The following HS3ST4 variants were observed in gnomAD, a reference collection of about 807,000 sequenced individuals.
The protein encoded by HS3ST4 is heparan sulfate-glucosamine 3-sulfotransferase 4.
Under a neutral mutation model 29.2 loss-of-function variants are expected in HS3ST4, and 17 were observed. The ratio of observed to expected loss-of-function variants is 0.58; its 90% CI spans 0.40 to 0.87. The LOEUF is 0.87. Ranked by LOEUF, HS3ST4 falls within the 40% of genes least tolerant of loss-of-function variation. HS3ST4 has a pLI of 0.00. For missense variants in HS3ST4, 627 were observed against 634.5 expected, an observed-to-expected ratio of 0.99 and a Z score of 0.13; for synonymous variants, 314 against 285.7, an observed-to-expected ratio of 1.10 and a Z score of -1.00.
chr16:25,903,035 A>G (rs183598883), intron 1 of HS3ST4, among the ~76,000 whole-genome samples: 2 of 151,164 alleles, frequency 1.3e-5, no homozygotes, highest in Non-Finnish European at 2.9e-5. Context: ...AAAAAAAAAA[A>G]TGTATGGTGT....
intron 1 of HS3ST4, among the ~76,000 whole-genome samples, chr16:25,963,807 G>GTGTC (rs1460109203): frequency 2.0e-5 from 3 of 152,198 alleles, no homozygotes; most frequent in Non-Finnish European, 4.4e-5. Flanking sequence ...AGGAGATGTG[G>GTGTC]TGTCCATTGT....
chr16:25,875,967 C>T (rs971206360), intron 1 of HS3ST4, among the ~76,000 whole-genome samples: 2 of 152,156 alleles, frequency 1.3e-5, no homozygotes, highest in Admixed American at 6.5e-5. Flanking sequence ...TTCTCTTGGG[C>T]TAATGTTCCC....
intron 1 of HS3ST4, among the ~76,000 whole-genome samples, chr16:26,096,687 A>C (rs1247428144): frequency 6.6e-6 from 1 of 152,216 alleles, no homozygotes; most frequent in Non-Finnish European, 1.5e-5. Flanking sequence ...AACCGGCACA[A>C]GACAAGGATG....
rs116582531 is a variant in HS3ST4 at position 25,944,374 on chromosome 16, G to T, written c.735-191238G>T. Among the ~76,000 whole-genome samples, 1,406 of 152,328 alleles carry T rather than the reference G, an allele frequency of 9.2e-3. 20 individuals carry two copies. The highest frequency in any genetic ancestry group is 0.03 in the African/African-American group (1,250 of 41,580). On this transcript the variant is annotated intron_variant, in intron 1 of 1. Transcript: ENST00000331351. ...ATTCTCCCTTAATGAAAGGGGTAAA[G>T]TTCCCCCCTGGGAATGTTGCCACCT...
intron 1 of HS3ST4, among the ~76,000 whole-genome samples, chr16:25,801,099 A>G (rs760545878): frequency 2.0e-5 from 3 of 152,062 alleles, no homozygotes; most frequent in Admixed American, 6.6e-5. Flanking sequence ...GAAAATTTGC[A>G]TTTCTGACAA....
At chr16:26,029,180 A>C (rs1414109914) in intron 1 of HS3ST4, among the ~76,000 whole-genome samples, 1 of 152,162 alleles carries the variant, frequency 6.6e-6, no homozygotes, top group African/African-American at 2.4e-5. Flanking sequence ...ATTTGATAAT[A>C]CTCAGTTTCC....
intron 1 of HS3ST4, among the ~76,000 whole-genome samples, chr16:26,076,026 A>G (rs1596672424): frequency 6.6e-6 from 1 of 152,116 alleles, no homozygotes; most frequent in East Asian, 1.9e-4. Flanking sequence ...ACTCTCTTCA[A>G]CCTTCACCAC....
chr16:25,964,336 A>G (rs906517369), intron 1 of HS3ST4, among the ~76,000 whole-genome samples: 3 of 152,274 alleles, frequency 2.0e-5, no homozygotes, highest in Non-Finnish European at 2.9e-5. Context: ...AACACACACT[A>G]TACTCTGCAC....
At chr16:25,970,536 G>A (rs548245002) in intron 1 of HS3ST4, among the ~76,000 whole-genome samples, 10 of 150,296 alleles carry the variant, frequency 6.7e-5, no homozygotes, top group African/African-American at 2.5e-4. Flanking sequence ...TTTTTTCAGG[G>A]TCTAGCTCTG....
In HS3ST4 at chr16:25,981,956, A is replaced by G. The variant is rs932855374; in HGVS notation, c.735-153656A>G. On this transcript the variant is annotated intron_variant, in intron 1 of 1. Transcript: ENST00000331351. ...CTCATGAAACCTCCTTAACAGCTGC[A>G]GTCACTTTCCATGGGGAATCTAGGA... Among the ~76,000 whole-genome samples, 32 of 152,334 alleles carry G rather than the reference A, an allele frequency of 2.1e-4. 1 individual carries two copies. Among genetic ancestry groups the G allele is most frequent in the Admixed American group, 1.5e-3 (23 of 15,306 alleles).
At chr16:26,071,998 A>T (rs1183347050) in intron 1 of HS3ST4, among the ~76,000 whole-genome samples, 7 of 152,084 alleles carry the variant, frequency 4.6e-5, no homozygotes, top group Admixed American at 4.6e-4. Flanking sequence ...GGCCCTTCAC[A>T]TCTATGAAGT....
chr16:25,778,150 A>AT (rs71385570), intron 1 of HS3ST4, among the ~76,000 whole-genome samples: 2 of 151,868 alleles, frequency 1.3e-5, no homozygotes, highest in African/African-American at 2.4e-5. Context: ...ATATATATAT[A>AT]TTTTTTCTAC....
intron 1 of HS3ST4, among the ~76,000 whole-genome samples, chr16:25,696,049 T>C (rs1454671988): frequency 6.6e-6 from 1 of 152,188 alleles, no homozygotes; most frequent in Non-Finnish European, 1.5e-5. Flanking sequence ...ATGCTGTTGA[T>C]CTAATGTGAT....
At chr16:25,735,301 G>A (rs981819394) in intron 1 of HS3ST4, among the ~76,000 whole-genome samples, 10 of 152,218 alleles carry the variant, frequency 6.6e-5, no homozygotes, top group South Asian at 2.1e-4. Context: ...AGGCAAAACT[G>A]GATCCAGAGA....
chr16:25,913,106 GC>G (rs1968256553), intron 1 of HS3ST4, among the ~76,000 whole-genome samples: 1 of 152,226 alleles, frequency 6.6e-6, no homozygotes, highest in Non-Finnish European at 1.5e-5. Context: ...AGCGAATGGA[GC>G]CTTGGGATCC....
chr16:25,794,322 T>G (rs947957460), intron 1 of HS3ST4, among the ~76,000 whole-genome samples: 7 of 152,154 alleles, frequency 4.6e-5, no homozygotes, highest in Non-Finnish European at 8.8e-5. Flanking sequence ...TTAATCTTTC[T>G]TTATTTCTTC....
chr16:25,874,993 A>C (rs1263340555), intron 1 of HS3ST4, among the ~76,000 whole-genome samples: 1 of 152,122 alleles, frequency 6.6e-6, no homozygotes, highest in Non-Finnish European at 1.5e-5. Flanking sequence ...ATACCTACAC[A>C]CACATGTTTA....
chr16:25,802,597 G>A (rs1056964466), intron 1 of HS3ST4, among the ~76,000 whole-genome samples: 5 of 151,898 alleles, frequency 3.3e-5, no homozygotes, highest in Non-Finnish European at 2.9e-5. Flanking sequence ...ATTAATTTTG[G>A]AATCATGTTG....
intron 1 of HS3ST4, among the ~76,000 whole-genome samples, chr16:26,036,199 GC>G (rs1969581461): frequency 6.6e-6 from 1 of 152,222 alleles, no homozygotes. Context: ...CTTTATTTCA[GC>G]CCCATTAAGA....
Sources: allele counts gnomAD v4.1 joint callset (sites outside exome capture counted in the v4.1 genomes callset), GRCh38; gene constraint gnomAD v4.1.1; transcripts MANE v1.5; gene names NCBI Gene and HGNC (gene_info 2026-07-23, HGNC 2026-07-21).